The following DMBX1 variants were observed in gnomAD, a reference collection of about 807,000 sequenced individuals.
DMBX1 encodes the protein diencephalon/mesencephalon homeobox 1, also known as diencephalon/mesencephalon homeobox protein 1.
Under a neutral mutation model 30.4 loss-of-function variants are expected in DMBX1, and 7 were observed. That is an observed-to-expected ratio of 0.23 (90% CI 0.13 to 0.43). DMBX1 has a LOEUF of 0.43. Ranked by LOEUF, DMBX1 falls within the 20% of genes least tolerant of loss-of-function variation. The pLI is 1.00. For synonymous variants in DMBX1, 222 were observed against 214.2 expected (o/e 1.04, Z -0.32); for missense variants, 460 against 508.5 (o/e 0.90, Z 0.92).
At chr1:46,490,615 C>T (rs1342593319) in intron 1 of DMBX1, among the ~76,000 whole-genome samples, 29 bp from the exon 2 acceptor site, 1 of 152,338 alleles carries the variant, frequency 6.6e-6, no homozygotes, top group Admixed American at 6.5e-5. Flanking sequence ...GGGCATTGCC[C>T]GGGTCTGGCT....
intron 5 of DMBX1, 114 bp downstream of exon 5, chr1:46,511,397 C>T: frequency 8.3e-7 from 1 of 1,204,918 alleles, no homozygotes; most frequent in Non-Finnish European, 1.1e-6. Flanking sequence ...TCAGAAAGGA[C>T]TGACCACAGC....
intron 3 of DMBX1, among the ~76,000 whole-genome samples, chr1:46,508,148 A>G (rs972338374): frequency 1.3e-5 from 2 of 152,072 alleles, no homozygotes; most frequent in African/African-American, 4.8e-5. Context: ...AGCAGCTGGT[A>G]AACCCACATG....
rs77283743 is a variant in DMBX1 at position 46,503,751 on chromosome 1, C to T, written c.-12-3248C>T. 3.3e-3 allele frequency among the ~76,000 whole-genome samples: 497 copies of T among 152,320 alleles called. 3 individuals are homozygous for T. The highest frequency in any genetic ancestry group is 0.011 in the East Asian group (59 of 5,194). ...CTGTTTCAGTGAGGAGCTGAGATAC[C>T]TGCATATGTCTTCCTTTTATCAAAT... On this transcript the variant is annotated intron_variant, in intron 2 of 5. Transcript: ENST00000360032.
In DMBX1 at chr1:46,500,600, GTGTAATCCCATT is replaced by G. The variant is rs1407629064; in HGVS notation, c.-12-6396_-12-6385del. On this transcript the variant is annotated intron_variant, in intron 2 of 5. Transcript: ENST00000360032. ...GAAATAATATAAATGTGAAAATCACGTGTAATCCCATTTGCTATCTCCCAGAGATAACCTCTG... is the reference window on the plus strand; with the variant it reads ...GAAATAATATAAATGTGAAAATCACGTGCTATCTCCCAGAGATAACCTCTG... Among the ~76,000 whole-genome samples, 31 of 136,690 alleles carry G rather than the reference GTGTAATCCCATT, an allele frequency of 2.3e-4. No homozygotes were observed. In the Admixed American group the frequency reaches 2.4e-3, roughly 11 times the overall value. 89.7% of individuals were successfully genotyped at this position (136,690 alleles called of 152,430 possible).
At chr1:46,494,740 A>T (rs756802719) in intron 2 of DMBX1, among the ~76,000 whole-genome samples, 1 of 152,144 alleles carries the variant, frequency 6.6e-6, no homozygotes, top group South Asian at 2.1e-4. Context: ...GCAAAGCCAC[A>T]TACTTCCAAG....
Position 46,510,416 on chromosome 1 carries a change from C to G in DMBX1, c.155-60C>G. 6.4e-7 allele frequency: 1 copy of G among 1,571,212 alleles called. No individual in the cohort carries two copies. The highest frequency in any genetic ancestry group is 8.6e-7 in the Non-Finnish European group (1 of 1,160,960). On this transcript the variant is annotated intron_variant, in intron 3 of 5. Transcript: ENST00000360032. This position sits in a 1 kb window ranked among gnomAD's most constrained non-coding sequence, Gnocchi z 4.1. ...GGTCAGAGCAGGATAAGATTCAAAG[C>G]TATTTCCCATAATTAAATGGGCCCC... is the stretch of plus-strand genomic sequence containing the variant.
Position 46,493,189 on chromosome 1 carries a change from G to A in DMBX1, c.-13+2406G>A, listed in dbSNP as rs888340520. ...TAAATATCTAATCAAGGCCCCGGGC[G>A]ACGCCACTGCTGCCCGCCAAAGCCC... On this transcript the variant is annotated intron_variant, in intron 2 of 5. Coordinates refer to ENST00000360032, the MANE Select transcript of DMBX1 (RefSeq NM_172225.2). The surrounding 1 kb of genome is among the most constrained non-coding windows in gnomAD (Gnocchi z 4.1). Among the ~76,000 whole-genome samples, 6 of 152,158 alleles carry A rather than the reference G, an allele frequency of 3.9e-5. No individual in the cohort carries two copies. The highest frequency in any genetic ancestry group is 7.2e-5 in the African/African-American group (3 of 41,424).
chr1:46,507,648 A>T (rs373667462), intron 3 of DMBX1, among the ~76,000 whole-genome samples: 2 of 152,164 alleles, frequency 1.3e-5, no homozygotes, highest in African/African-American at 4.8e-5. Context: ...TCCAATCCCC[A>T]TGTGGAGAGG....
chr1:46,490,204 C>T (rs1665903344), intron 1 of DMBX1, among the ~76,000 whole-genome samples: 1 of 152,098 alleles, frequency 6.6e-6, no homozygotes, highest in African/African-American at 2.4e-5. Context: ...GCGCAGAACT[C>T]GAAATTCCGA....
chr1:46,513,949 A>C lies in DMBX1; in HGVS notation c.*1455A>C, dbSNP rs1258877829. On this transcript the variant is annotated 3_prime_UTR_variant, in exon 6 of 6. Coordinates refer to ENST00000360032, the MANE Select transcript of DMBX1 (RefSeq NM_172225.2). The stretch of plus-strand genomic sequence containing the variant: ...TTCAAAGCTGTGTGACCGGCTGGGC[A>C]TGGTGGCTCACACCTGTAATCCCAG... 6.6e-6 allele frequency: 1 copy of C among 152,226 alleles called. No individual in the cohort carries two copies. The highest frequency in any genetic ancestry group is 1.5e-5 in the Non-Finnish European group (1 of 68,092). The allele number at this position is 152,226 out of a possible 1,614,324, so 9.4% of individuals were successfully genotyped here. A position where few individuals can be genotyped will look rare whatever the true frequency, so the allele number is the denominator to read the frequency against.
Position 46,515,708 on chromosome 1 carries a change from G to A in DMBX1, c.*3214G>A, listed in dbSNP as rs151282880. Among the ~76,000 whole-genome samples the A allele has an allele frequency of 2.6e-4, 40 of 152,348 alleles. No homozygotes were observed. The highest frequency in any genetic ancestry group is 1.4e-3 in the Admixed American group (21 of 15,300). On this transcript the variant is annotated 3_prime_UTR_variant, in exon 6 of 6. Coordinates refer to ENST00000360032, the MANE Select transcript of DMBX1 (RefSeq NM_172225.2). Reference sequence around the variant, plus strand: ...TGAGCACGCTTGTAAGCAGCACCGCGCTTCCCTTCTTGTGGGCAGAGGGTA... The same window carrying A: ...TGAGCACGCTTGTAAGCAGCACCGCACTTCCCTTCTTGTGGGCAGAGGGTA...
In DMBX1 at chr1:46,510,834, TG is replaced by T; in HGVS notation, c.334-95del. ...AGAGGGTGTGCATTCCCTAGAGGGG[TG>T]GGGGGATGTTATCACGTACATCCTC... On this transcript the variant is annotated intron_variant, in intron 4 of 5. Coordinates refer to ENST00000360032, the MANE Select transcript of DMBX1 (RefSeq NM_172225.2). The surrounding 1 kb of genome is among the most constrained non-coding windows in gnomAD (Gnocchi z 4.1). 1 of 1,356,144 alleles carries T rather than the reference TG, an allele frequency of 7.4e-7. No homozygotes were observed. The allele number at this position is 1,356,144 out of a possible 1,614,324, so 84.0% of individuals were successfully genotyped here.
At chr1:46,492,075 G>A (rs1222476589) in intron 2 of DMBX1, among the ~76,000 whole-genome samples, 2 of 152,230 alleles carry the variant, frequency 1.3e-5, no homozygotes, top group African/African-American at 4.8e-5. Flanking sequence ...CTGCAAGGAG[G>A]CGGGAATCTG....
At chr1:46,508,408 A>C (rs1284863621) in intron 3 of DMBX1, among the ~76,000 whole-genome samples, 1 of 152,206 alleles carries the variant, frequency 6.6e-6, no homozygotes, top group African/African-American at 2.4e-5. Context: ...CCTGGGTAGC[A>C]GCACTGGCCT....
intron 2 of DMBX1, among the ~76,000 whole-genome samples, chr1:46,495,033 G>A (rs1371923227): frequency 1.3e-5 from 2 of 152,224 alleles, no homozygotes; most frequent in Non-Finnish European, 1.5e-5. Flanking sequence ...TGGCCAGAAG[G>A]TGGCTTGGCT....
chr1:46,512,499 C>T lies in DMBX1; in HGVS notation c.*5C>T. On this transcript the variant is annotated 3_prime_UTR_variant, in exon 6 of 6. Coordinates refer to ENST00000360032, the MANE Select transcript of DMBX1 (RefSeq NM_172225.2). This position sits in a 1 kb window ranked among gnomAD's most constrained non-coding sequence, Gnocchi z 4.8. Reference sequence around the variant, plus strand: ...CTCGATACGCTGCCCAACTGACTGTCTGGCTTCCAACCCAGCCAGGGGTCT... The same window carrying T: ...CTCGATACGCTGCCCAACTGACTGTTTGGCTTCCAACCCAGCCAGGGGTCT... 6.2e-7 allele frequency: 1 copy of T among 1,602,994 alleles called. No individual in the cohort carries two copies. Among genetic ancestry groups the T allele is most frequent in the Non-Finnish European group, 8.5e-7 (1 of 1,172,876 alleles).
chr1:46,497,944 T>C (rs1353471133), intron 2 of DMBX1, among the ~76,000 whole-genome samples: 1 of 152,174 alleles, frequency 6.6e-6, no homozygotes, highest in Non-Finnish European at 1.5e-5. Flanking sequence ...GGCGGCACCT[T>C]TTAAATATAT....
rs1010387840 is a variant in DMBX1, at chr1:46,493,955, C to T, written c.-13+3172C>T. On this transcript the variant is annotated intron_variant, in intron 2 of 5. Transcript: ENST00000360032. The surrounding 1 kb of genome is among the most constrained non-coding windows in gnomAD (Gnocchi z 4.1). ...CTGGATGGCCAAAAGTGGACCAGGT[C>T]ATCCCTGACAGACTTTGGGCCAAGG... Among the ~76,000 whole-genome samples, 9 of 152,208 alleles carry T rather than the reference C, an allele frequency of 5.9e-5. No homozygotes were observed. The highest frequency in any genetic ancestry group is 1.2e-4 in the Non-Finnish European group (8 of 68,040).
chr1:46,502,877 C>T (rs1451677851), intron 2 of DMBX1, among the ~76,000 whole-genome samples: 1 of 152,082 alleles, frequency 6.6e-6, no homozygotes, highest in Non-Finnish European at 1.5e-5. Context: ...GAGACCCTGT[C>T]TCAGAAATAA....
Sources: gnomAD v4.1 joint callset for allele counts (sites outside exome capture counted in the v4.1 genomes callset) on GRCh38, gnomAD v4.1.1 for gene constraint, Gnocchi (gnomAD v3.1) non-coding constraint, MANE v1.5 for transcripts, NCBI Gene and HGNC (gene_info 2026-07-23, HGNC 2026-07-21) for gene names.